Variants in USP48 observed in about 807,000 individuals in gnomAD.
USP48 encodes ubiquitin carboxyl-terminal hydrolase 48.
USP48 carries 43 observed loss-of-function variants against 150.7 expected under a neutral mutation model. That is an observed-to-expected ratio of 0.29 (90% CI 0.22 to 0.37). The LOEUF (loss-of-function observed/expected upper bound fraction) is 0.37. Ranked by LOEUF, USP48 falls within the 10% of genes least tolerant of loss-of-function variation. The pLI is 1.00. For synonymous variants in USP48, 396 were observed against 425.9 expected (o/e 0.93, Z 0.86); for missense variants, 813 against 1,249.6 (o/e 0.65, Z 5.27).
chr1:21,770,741 C>G (rs1277020398), intron 1 of USP48, among the ~76,000 whole-genome samples: 1 of 151,786 alleles, frequency 6.6e-6, no homozygotes, highest in African/African-American at 2.4e-5. Flanking sequence ...ATCGGCCTCC[C>G]AAAGTGCTGA....
At chr1:21,774,908 T>C (rs979820419) in intron 1 of USP48, among the ~76,000 whole-genome samples, 4 of 151,274 alleles carry the variant, frequency 2.6e-5, no homozygotes, top group African/African-American at 4.9e-5. Context: ...CAAGAATCAC[T>C]TGAACCTTGG....
chr1:21,703,492 G>A lies in USP48; in HGVS notation c.2622+20C>T. 1 of 1,583,014 alleles carries A rather than the reference G, an allele frequency of 6.3e-7. No homozygotes were observed. The highest frequency in any genetic ancestry group is 8.7e-7 in the Non-Finnish European group (1 of 1,154,802). ...GCACGCTTGATCATTACTAGTCATT[G>A]CCACAAGAGGGACCAGTACCTTTTT... is the stretch of plus-strand genomic sequence containing the variant. On this transcript the variant is annotated intron_variant, in intron 21 of 26. Transcript: ENST00000308271.
chr1:21,742,349 GC>G (rs1442514909), intron 8 of USP48, among the ~76,000 whole-genome samples: 2 of 152,108 alleles, frequency 1.3e-5, no homozygotes, highest in African/African-American at 4.8e-5. Context: ...TTCGAGACCA[GC>G]CTGGCCAACA....
intron 15 of USP48, among the ~76,000 whole-genome samples, chr1:21,711,573 C>T (rs76367513): frequency 2.0e-5 from 3 of 152,134 alleles, no homozygotes; most frequent in African/African-American, 4.8e-5. Flanking sequence ...TTCCGAAGAG[C>T]GACAGCAGGT....
rs1395067821 is a variant in USP48 at position 21,752,500 on chromosome 1, A to T, written c.665+27T>A. On this transcript the variant is annotated intron_variant, in intron 5 of 26. Coordinates refer to ENST00000308271, the MANE Select transcript of USP48 (RefSeq NM_032236.8). ...GAGCAACTGTCTTAGAATAAAATGTACCATGAAAAAGTTGAAACAGACTTA... is the reference window on the plus strand; with the variant it reads ...GAGCAACTGTCTTAGAATAAAATGTTCCATGAAAAAGTTGAAACAGACTTA... 20 of 1,603,732 alleles carry T rather than the reference A, an allele frequency of 1.2e-5. 1 individual carries two copies. In the Admixed American group the frequency reaches 3.5e-4, roughly 28 times the overall value.
chr1:21,732,547 A>G (rs2097759491), intron 9 of USP48: 1 of 166,356 alleles, frequency 6.0e-6, no homozygotes, highest in Non-Finnish European at 1.3e-5. Context: ...AATAAAATTT[A>G]TAACATACTT....
intron 1 of USP48, 136 bp from the exon 2 acceptor site, chr1:21,757,919 T>C: frequency 8.8e-7 from 1 of 1,138,350 alleles, no homozygotes; most frequent in Non-Finnish European, 1.2e-6. Context: ...ACTCAGTTTG[T>C]GAGGGTGTGG....
At chr1:21,773,469 C>G (rs977719392) in intron 1 of USP48, among the ~76,000 whole-genome samples, 2 of 151,548 alleles carry the variant, frequency 1.3e-5, no homozygotes, top group African/African-American at 4.9e-5. Context: ...CAAGACCGGC[C>G]TGGGCAAAAC....
At chr1:21,697,520 G>A (rs1348805735) in intron 22 of USP48, among the ~76,000 whole-genome samples, 5 of 151,862 alleles carry the variant, frequency 3.3e-5, no homozygotes, top group African/African-American at 1.2e-4. Flanking sequence ...AAAATTAGCC[G>A]GGCTTGGTGG....
At chr1:21,747,771 C>T (rs1310405029) in intron 7 of USP48, among the ~76,000 whole-genome samples, 1 of 151,920 alleles carries the variant, frequency 6.6e-6, no homozygotes, top group African/African-American at 2.4e-5. Context: ...CGGGGTTTCA[C>T]CATGTTGGCC....
chr1:21,756,078 T>C (rs547107844), intron 3 of USP48, among the ~76,000 whole-genome samples: 2 of 151,422 alleles, frequency 1.3e-5, no homozygotes, highest in East Asian at 1.9e-4. Context: ...GGCAGGAGAA[T>C]TGCTTGAACC....
chr1:21,708,162 C>CA (rs1010654298), intron 15 of USP48, among the ~76,000 whole-genome samples: 3 of 151,352 alleles, frequency 2.0e-5, no homozygotes, highest in Non-Finnish European at 4.4e-5. Context: ...GACGCCATCT[C>CA]AAAAAAACAA....
chr1:21,771,793 C>G (rs570565587), intron 1 of USP48, among the ~76,000 whole-genome samples: 15 of 19,852 alleles, frequency 7.6e-4, no homozygotes, highest in Middle Eastern at 0.019. Context: ...GTGGCACATG[C>G]CTGTAATCCC....
intron 21 of USP48, 151 bp from the exon 22 acceptor site, chr1:21,701,753 A>C: frequency 1.6e-6 from 1 of 609,146 alleles, no homozygotes; most frequent in Non-Finnish European, 2.9e-6. Flanking sequence ...TCAAGAATCA[A>C]GCCTTCACGG....
At chr1:21,701,673 C>T (rs2097657418) in intron 21 of USP48, 71 bp from the exon 22 acceptor site, 1 of 1,252,326 alleles carries the variant, frequency 8.0e-7, no homozygotes, top group Non-Finnish European at 1.2e-6. Context: ...GATGTGGGGG[C>T]TGGGACCGGC....
chr1:21,704,574 G>A (rs2097666671), intron 19 of USP48, 182 bp from the exon 20 acceptor site: 3 of 594,896 alleles, frequency 5.0e-6, no homozygotes, highest in Non-Finnish European at 5.3e-6. Flanking sequence ...TACCACAGCA[G>A]CGAAACTAAA....
chr1:21,745,499 G>C (rs12132216), intron 8 of USP48, among the ~76,000 whole-genome samples: 6,863 of 152,092 alleles, frequency 0.045, 197 homozygotes, highest in Non-Finnish European at 0.069. Context: ...CTGAGTCCGT[G>C]ATGAGCCGTG....
intron 11 of USP48, chr1:21,727,881 G>A: frequency 1.0e-6 from 1 of 976,822 alleles, no homozygotes; most frequent in Non-Finnish European, 1.2e-6. Flanking sequence ...TCTAAAGTAA[G>A]GACTAAATTG....
chr1:21,727,185 A>C (rs1264310698), intron 11 of USP48, among the ~76,000 whole-genome samples: 1 of 152,230 alleles, frequency 6.6e-6, no homozygotes, highest in East Asian at 1.9e-4. Flanking sequence ...AATAAGATTT[A>C]GAAAATGCAT....
Sources: allele counts gnomAD v4.1 joint callset (sites outside exome capture counted in the v4.1 genomes callset), GRCh38; gene constraint gnomAD v4.1.1; transcripts MANE v1.5; gene names NCBI Gene and HGNC (gene_info 2026-07-23, HGNC 2026-07-21).